ARMCX4: variants seen among roughly 807,000 people sequenced by gnomAD.
The protein encoded by ARMCX4 is armadillo repeat containing X-linked 4.
A neutral mutation model predicts 34.7 loss-of-function variants in ARMCX4; 3 were observed. The ratio of observed to expected loss-of-function variants is 0.09; its 90% CI spans 0.04 to 0.22. The LOEUF is 0.22. Among genes scored for constraint, ARMCX4 ranks in the 10% least tolerant of loss-of-function variants. ARMCX4 has a pLI of 1.00. For synonymous variants in ARMCX4, 513 were observed against 632.8 expected (o/e 0.81, Z 2.84); for missense variants, 1,448 against 1,720.8 (o/e 0.84, Z 2.81).
chrX:101,435,107 T>C (rs1394852356), intron 2 of ARMCX4, among the ~76,000 whole-genome samples: 8 of 111,742 alleles, frequency 7.2e-5, no homozygotes, highest in African/African-American at 2.6e-4. Context: ...TACGTGTGCA[T>C]GTGTCTGTAT....
rs1556010432 is a variant in ARMCX4, at chrX:101,493,556, A to G, written c.4967A>G (p.Asp1656Gly). 1.7e-6 allele frequency: 2 copies of G among 1,150,951 alleles called. No homozygotes were observed. Among genetic ancestry groups the G allele is most frequent in the Middle Eastern group, 2.3e-4 (1 of 4,273 alleles). 94.9% of individuals were successfully genotyped at this position (1,150,951 alleles called of 1,213,427 possible). Residue 1656 changes from aspartate (D) to glycine (G), a missense_variant, in exon 6 of 6, where the codon GAC (aspartate) becomes GGC (glycine). Physicochemically the swap from Asp to Gly is moderately conservative, Grantham distance 94. Around this residue, in one of 2 missense-constraint regions of ARMCX4, gnomAD observed 1,343 missense variants for 1,540.7 expected, o/e 0.87. Transcript: ENST00000423738. ...SWIGPGDQAVDCSKPEFEDQA... is the reference protein window; with the variant it reads ...SWIGPGDQAVGCSKPEFEDQA... Reference sequence around the variant, plus strand: ...ATTGGGCCTGGGGATCAGGCTGTTGACTGTTCCAAGCCTGAATTTGAGGAT... The same window carrying G: ...ATTGGGCCTGGGGATCAGGCTGTTGGCTGTTCCAAGCCTGAATTTGAGGAT...
At chrX:101,528,484 G>A (rs781931560) in intron 11 of ARMCX4, among the ~76,000 whole-genome samples, 102 of 111,323 alleles carry the variant, frequency 9.2e-4, no homozygotes, top group Non-Finnish European at 1.7e-3. Flanking sequence ...TAAGGCCAGG[G>A]CAATCAGGCA....
At chrX:101,467,136 CTT>C (rs1157610604) in intron 4 of ARMCX4, among the ~76,000 whole-genome samples, 1 of 111,657 alleles carries the variant, frequency 9.0e-6, no homozygotes, top group Non-Finnish European at 1.9e-5. Context: ...AAAAAATACA[CTT>C]GATTTTTAAA....
At chrX:101,523,789 A>T (rs1399974853) in intron 11 of ARMCX4, among the ~76,000 whole-genome samples, 1 of 112,157 alleles carries the variant, frequency 8.9e-6, no homozygotes, top group Non-Finnish European at 1.9e-5. Context: ...AGACAATATA[A>T]ATGAATTTTG....
upstream of ARMCX4, among the ~76,000 whole-genome samples, chrX:101,480,920 C>T (rs1413981784): frequency 9.0e-6 from 1 of 111,252 alleles, no homozygotes; most frequent in Non-Finnish European, 1.9e-5. Flanking sequence ...CTCAGGAGTT[C>T]GAAACCAACC....
Position 101,494,183 on chromosome X carries a change from T to C in ARMCX4, c.5594T>C (p.Leu1865Pro), listed in dbSNP as rs1934117477. ...GATGCAACCACTGTAGAGTCTAGGC[T>C]TGGGGCTGGGGAAGAGGCTGGTGTA... is the stretch of plus-strand genomic sequence containing the variant. ...DGDATTVESR[L>P]GAGEEAGVES... The change falls in exon 6 of 6, where the codon CTT (leucine) becomes CCT (proline). Residue 1865 changes from leucine to proline, a missense_variant. Coordinates refer to ENST00000423738, the MANE Select transcript of ARMCX4 (RefSeq NM_001256155.3). 1 of 1,135,358 alleles carries C rather than the reference T, an allele frequency of 8.8e-7. No homozygotes were observed. The highest frequency in any genetic ancestry group is 1.9e-5 in the African/African-American group (1 of 53,976). The allele number at this position is 1,135,358 out of a possible 1,213,427, so 93.6% of individuals were successfully genotyped here.
At chrX:101,504,694 G>A (rs782201424) in intron 7 of ARMCX4, among the ~76,000 whole-genome samples, 56 of 111,576 alleles carry the variant, frequency 5.0e-4, no homozygotes, top group Non-Finnish European at 1.7e-4. Context: ...TTAGGGCTTA[G>A]AGGCTGGTTT....
chrX:101,507,658 A>G (rs1179622755), intron 8 of ARMCX4, among the ~76,000 whole-genome samples: 1 of 111,740 alleles, frequency 8.9e-6, no homozygotes, highest in East Asian at 2.8e-4. Flanking sequence ...AAGTAAATCT[A>G]GGTTTATGAG....
chrX:101,443,223 G>GCT (rs782604642), intron 2 of ARMCX4, among the ~76,000 whole-genome samples: 23 of 110,683 alleles, frequency 2.1e-4, no homozygotes, highest in Admixed American at 1.8e-3. Context: ...AGTCATGAGG[G>GCT]CTCTGCCCTC....
chrX:101,478,089 A>G (rs1933278794), intron 4 of ARMCX4, among the ~76,000 whole-genome samples: 1 of 112,132 alleles, frequency 8.9e-6, no homozygotes, highest in African/African-American at 3.2e-5. Flanking sequence ...GACTATAAGG[A>G]TGTCTGTTAT....
chrX:101,428,787 A>G (rs1244467820), intron 2 of ARMCX4, among the ~76,000 whole-genome samples: 2 of 110,590 alleles, frequency 1.8e-5, no homozygotes, highest in African/African-American at 6.6e-5. Context: ...AATAGCTCTT[A>G]GGAGTGAACA....
At chrX:101,523,602 T>A (rs1377803350) in intron 11 of ARMCX4, among the ~76,000 whole-genome samples, 1 of 111,459 alleles carries the variant, frequency 9.0e-6, no homozygotes, top group East Asian at 2.8e-4. Flanking sequence ...GAAATAGACT[T>A]CACAGAATTA....
chrX:101,443,091 A>G (rs984690637), intron 2 of ARMCX4, among the ~76,000 whole-genome samples: 22 of 99,405 alleles, frequency 2.2e-4, no homozygotes, highest in African/African-American at 7.4e-4. Context: ...AGATCGTGCC[A>G]CTGCACTTCA....
chrX:101,464,245 G>A (rs782152872), intron 4 of ARMCX4, among the ~76,000 whole-genome samples: 6 of 110,496 alleles, frequency 5.4e-5, no homozygotes, highest in African/African-American at 1.3e-4. Flanking sequence ...GCGTGGTGGC[G>A]GGTGCCTGTA....
downstream of ARMCX4, among the ~76,000 whole-genome samples, chrX:101,446,815 G>A (rs781785138): frequency 9.0e-6 from 1 of 110,877 alleles, no homozygotes; most frequent in Admixed American, 9.7e-5. Flanking sequence ...TTAGCCGGGC[G>A]TGGTGGCAGG....
chrX:101,424,235 AG>A (rs1929464909), intron 2 of ARMCX4, among the ~76,000 whole-genome samples: 1 of 111,588 alleles, frequency 9.0e-6, no homozygotes, highest in African/African-American at 3.3e-5. Context: ...AGGTACCTAG[AG>A]GGTGCTGTGC....
intron 11 of ARMCX4, among the ~76,000 whole-genome samples, chrX:101,512,869 TGTAG>T (rs200453527): frequency 4.3e-4 from 32 of 73,618 alleles, no homozygotes; most frequent in South Asian, 1.2e-3. Context: ...TGTATATATA[TGTAG>T]AGAGAGAGAG....
At chrX:101,431,690 C>A (rs1233528846) in intron 2 of ARMCX4, among the ~76,000 whole-genome samples, 1 of 110,616 alleles carries the variant, frequency 9.0e-6, no homozygotes, top group Non-Finnish European at 1.9e-5. Context: ...ACTACAGGCA[C>A]CCGCCACCAT....
Position 101,492,255 on chromosome X carries a change from G to A in ARMCX4, c.3666G>A (p.Gly1222=). The change falls in exon 6 of 6, where the codon GGG becomes GGA. Residue 1222 remains glycine, a synonymous_variant. Transcript: ENST00000423738. ...GGGCTGAGAACCAGGCCAGTGGGGG[G>A]TCTTGGGCTCTCGCTGGGAATCAGG... ...WTGAENQASG[G]SWALAGNQAI... 2 of 1,142,443 alleles carry A rather than the reference G, an allele frequency of 1.8e-6. No individual in the cohort carries two copies. Among genetic ancestry groups the A allele is most frequent in the South Asian group, 2.0e-5 (1 of 50,570 alleles). The allele number at this position is 1,142,443 out of a possible 1,213,427, so 94.2% of individuals were successfully genotyped here.
Sources: allele counts gnomAD v4.1 joint callset (sites outside exome capture counted in the v4.1 genomes callset), GRCh38; gene constraint gnomAD v4.1.1; regional missense constraint gnomAD v4.1.1; transcripts MANE v1.5; gene names NCBI Gene and HGNC (gene_info 2026-07-23, HGNC 2026-07-21).